The following ATG2B variants were observed in gnomAD, a reference collection of about 807,000 sequenced individuals.
ATG2B encodes the protein autophagy related 2B, also known as autophagy-related protein 2 homolog B.
A neutral mutation model predicts 241.3 loss-of-function variants in ATG2B; 121 were observed. The observed-to-expected ratio is 0.50, with a 90% CI of 0.43 to 0.58. The LOEUF is 0.58. ATG2B is among the 20% of genes least tolerant of loss of function. ATG2B has a pLI of 0.00. For synonymous variants in ATG2B, 858 were observed against 876.6 expected (o/e 0.98, Z 0.37); for missense variants, 2,306 against 2,491.6 (o/e 0.93, Z 1.59).
chr14:96,311,523 A>G lies in ATG2B; in HGVS notation c.3990+19T>C, dbSNP rs1211796273. ...TTAAAAAATAGAACTTAAAATTTTCATTTATTTTAATAACTCACTTGCTCT... is the reference window on the plus strand; with the variant it reads ...TTAAAAAATAGAACTTAAAATTTTCGTTTATTTTAATAACTCACTTGCTCT... On this transcript the variant is annotated intron_variant, in intron 27 of 41. Transcript: ENST00000359933. 6.4e-6 allele frequency: 10 copies of G among 1,560,620 alleles called. No individual in the cohort carries two copies. The highest frequency in any genetic ancestry group is 2.3e-5 in the East Asian group (1 of 44,342).
Position 96,340,118 on chromosome 14 carries a change from TGA to T in ATG2B, c.924+1402_924+1403del, listed in dbSNP as rs1334556713. ...TGCTATATAGAATATATGATATATA[TGA>T]ATATATATATCATATATGATATATA... On this transcript the variant is annotated intron_variant, in intron 6 of 41. Transcript: ENST00000359933. 2.9e-3 allele frequency among the ~76,000 whole-genome samples: 34 copies of T among 11,748 alleles called. 4 individuals are homozygous for T. The highest frequency in any genetic ancestry group is 5.7e-3 in the Non-Finnish European group (26 of 4,550). The allele number at this position is 11,748 out of a possible 152,430, so 7.7% of individuals were successfully genotyped here. A position where few individuals can be genotyped will look rare whatever the true frequency, so the allele number is the denominator to read the frequency against.
intron 15 of ATG2B, 167 bp from the exon 16 acceptor site, chr14:96,324,165 ATAAAT>A (rs1288297323): frequency 1.2e-5 from 7 of 569,334 alleles, no homozygotes; most frequent in Non-Finnish European, 2.1e-5. Flanking sequence ...GAATGAGCCA[ATAAAT>A]TAAAGATTCT....
chr14:96,332,976 A>T (rs972093709), intron 8 of ATG2B, among the ~76,000 whole-genome samples: 10 of 152,150 alleles, frequency 6.6e-5, no homozygotes, highest in African/African-American at 2.2e-4. Flanking sequence ...CAGATATTAA[A>T]ATAGTATAAA....
intron 29 of ATG2B, among the ~76,000 whole-genome samples, chr14:96,308,831 G>C (rs1351002508): frequency 1.3e-5 from 2 of 152,130 alleles, no homozygotes; most frequent in Non-Finnish European, 2.9e-5. Flanking sequence ...ATGTTTACCT[G>C]CTTCCCTTTG....
chr14:96,317,773 G>A lies in ATG2B; in HGVS notation c.2962C>T (p.Leu988Phe). 6.2e-7 allele frequency: 1 copy of A among 1,613,186 alleles called. No homozygotes were observed. The highest frequency in any genetic ancestry group is 8.5e-7 in the Non-Finnish European group (1 of 1,179,372). ...TTAATGAGCTGACTGGCTACTGAAA[G>A]CCCAATGCCATAGGAAATATTCTCG... is the stretch of plus-strand genomic sequence containing the variant. Reference protein sequence around the residue: ...TFENISYGIGLSVASQLINTF... With the variant: ...TFENISYGIGFSVASQLINTF... The change falls in exon 19 of 42, where the codon CTT (leucine) becomes TTT (phenylalanine). Residue 988 changes from leucine to phenylalanine, a missense_variant. Around this residue, in one of 2 missense-constraint regions of ATG2B, gnomAD observed 1,927 missense variants for 2,011.2 expected, o/e 0.96. Coordinates refer to ENST00000359933, the MANE Select transcript of ATG2B (RefSeq NM_018036.7).
At chr14:96,343,962 C>T (rs1171682414) in intron 4 of ATG2B, among the ~76,000 whole-genome samples, 2 of 152,194 alleles carry the variant, frequency 1.3e-5, no homozygotes, top group African/African-American at 4.8e-5. Flanking sequence ...GATCCATGTA[C>T]GAAGTGTCTC....
chr14:96,345,536 G>A, intron 2 of ATG2B, 151 bp from the exon 3 acceptor site: 3 of 536,486 alleles, frequency 5.6e-6, no homozygotes, highest in Non-Finnish European at 6.0e-6. Flanking sequence ...ATTCTAGAAA[G>A]TACTCTTGAG....
intron 41 of ATG2B, among the ~76,000 whole-genome samples, chr14:96,286,426 T>TA (rs1182440168): frequency 3.3e-5 from 5 of 152,238 alleles, no homozygotes; most frequent in Non-Finnish European, 5.9e-5. Flanking sequence ...AATTACTGGC[T>TA]ATGTATTAGG....
rs1445826085 is a variant in ATG2B, at chr14:96,315,555, T to C, written c.3390A>G (p.Thr1130=). ...KGIVNGVILP[T]ETRLPSSTRP... ...GGGTTGAGCTGGGAAGTCGTGTTTC[T>C]GTCGGGAGAATCACTCCATTCACTA... Residue 1130 remains threonine (T), a synonymous_variant, in exon 22 of 42, where the codon ACA becomes ACG. Transcript: ENST00000359933. The C allele has an allele frequency of 1.2e-6, 2 of 1,614,110 alleles. No homozygotes were observed. Among genetic ancestry groups the C allele is most frequent in the East Asian group, 2.2e-5 (1 of 44,870 alleles).
intron 37 of ATG2B, 55 bp downstream of exon 37, chr14:96,291,974 C>T (rs1014170808): frequency 1.7e-6 from 2 of 1,198,716 alleles, no homozygotes; most frequent in Non-Finnish European, 2.4e-6. Context: ...TAAAAACGAG[C>T]TCATTAGAGA....
intron 41 of ATG2B, among the ~76,000 whole-genome samples, chr14:96,288,783 A>G (rs1031285931): frequency 6.7e-6 from 1 of 149,554 alleles, no homozygotes; most frequent in Admixed American, 6.8e-5. Context: ...AGAGTATGCC[A>G]GGGAATGACG....
At chr14:96,304,412 C>G in intron 32 of ATG2B, 83 bp downstream of exon 32, 6 of 1,011,104 alleles carry the variant, frequency 5.9e-6, no homozygotes, top group Non-Finnish European at 9.2e-6. Flanking sequence ...ACTTAAGGCT[C>G]AAGACTACGT....
Position 96,290,636 on chromosome 14 carries a change from T to C in ATG2B, c.5702-46A>G, listed in dbSNP as rs77294752. On this transcript the variant is annotated intron_variant, in intron 39 of 41. Coordinates refer to ENST00000359933, the MANE Select transcript of ATG2B (RefSeq NM_018036.7). The surrounding 1 kb of genome is among the most constrained non-coding windows in gnomAD (Gnocchi z 4.4). ...TCAACATCAGTGCCACAGTTCAGAC[T>C]TTTCTATCATTCTAACCCTGGGGTT... The C allele has an allele frequency of 8.5e-3, 13,723 of 1,606,812 alleles. 737 individuals are homozygous for C. In the African/African-American group the frequency reaches 0.13, roughly 15 times the overall value.
rs772913670 is a variant in ATG2B, at chr14:96,303,281, G to A, written c.4843-26C>T. ...CTTAACGGGTAAGGAGGAAGAACGC[G>A]GAACAGTTCTTTACATTCCTTTTAT... On this transcript the variant is annotated intron_variant, in intron 32 of 41. Transcript: ENST00000359933. The A allele has an allele frequency of 1.2e-5, 17 of 1,473,568 alleles. No individual in the cohort carries two copies. The African/African-American group carries it at 1.3e-4, about 11-fold the overall frequency. 91.3% of individuals were successfully genotyped at this position (1,473,568 alleles called of 1,614,324 possible).
At chr14:96,350,568 G>A (rs1329956938) in intron 1 of ATG2B, among the ~76,000 whole-genome samples, 4 of 152,134 alleles carry the variant, frequency 2.6e-5, no homozygotes, top group East Asian at 1.9e-4. Flanking sequence ...ACGTAAATGC[G>A]ATTTTTAAAA....
chr14:96,306,700 T>C lies in ATG2B; in HGVS notation c.4506+14A>G. 6.2e-7 allele frequency: 1 copy of C among 1,608,054 alleles called. No homozygotes were observed. Among genetic ancestry groups the C allele is most frequent in the South Asian group, 1.1e-5 (1 of 90,452 alleles). ...ACACCATTCAAGGCTTCAATAATGT[T>C]ATTAATTTATTACCTGCATGGCTGC... On this transcript the variant is annotated intron_variant, in intron 30 of 41. Transcript: ENST00000359933.
chr14:96,352,264 AAC>A (rs1290447056), intron 1 of ATG2B, among the ~76,000 whole-genome samples: 1 of 152,236 alleles, frequency 6.6e-6, no homozygotes, highest in African/African-American at 2.4e-5. Flanking sequence ...GTCTAGCACA[AAC>A]AGTTATACAC....
intron 6 of ATG2B, among the ~76,000 whole-genome samples, chr14:96,335,444 T>C (rs1464470424): frequency 6.6e-6 from 1 of 152,228 alleles, no homozygotes; most frequent in African/African-American, 2.4e-5. Flanking sequence ...TAAATCATTA[T>C]TATCACTTTT....
chr14:96,320,749 T>C (rs537216258), intron 18 of ATG2B, among the ~76,000 whole-genome samples: 1 of 152,320 alleles, frequency 6.6e-6, no homozygotes, highest in South Asian at 2.1e-4. Context: ...GTGTTTTTGA[T>C]CTCTGGGCTA....
Sources: allele counts gnomAD v4.1 joint callset (sites outside exome capture counted in the v4.1 genomes callset), GRCh38; gene constraint gnomAD v4.1.1; regional missense constraint gnomAD v4.1.1; non-coding constraint Gnocchi (gnomAD v3.1); transcripts MANE v1.5; gene names NCBI Gene and HGNC (gene_info 2026-07-23, HGNC 2026-07-21).